CDC42BPB: variants seen among roughly 807,000 people sequenced by gnomAD.
CDC42BPB encodes CDC42 binding protein kinase beta.
Under a neutral mutation model 214.9 loss-of-function variants are expected in CDC42BPB, and 37 were observed. That is an observed-to-expected ratio of 0.17 (90% confidence interval 0.13 to 0.23). The LOEUF is 0.23. Among genes scored for constraint, CDC42BPB ranks in the 10% least tolerant of loss-of-function variants. The probability of loss-of-function intolerance (pLI) is 1.00; values close to 1 mark genes in which losing one functional copy is unlikely to be tolerated. For synonymous variants in CDC42BPB, 931 were observed against 884.0 expected (o/e 1.05, Z -0.94); for missense variants, 1,694 against 2,227.0 (o/e 0.76, Z 4.82).
chr14:103,041,702 A>G (rs1020426879), intron 1 of CDC42BPB: 18 of 554,388 alleles, frequency 3.2e-5, no homozygotes, highest in African/African-American at 3.1e-4. Context: ...AGCTTGGAGG[A>G]GCTCAGGGTG....
intron 8 of CDC42BPB, among the ~76,000 whole-genome samples, chr14:102,978,961 T>G (rs1893879741): frequency 6.6e-6 from 1 of 152,172 alleles, no homozygotes; most frequent in African/African-American, 2.4e-5. Context: ...GAGCTGAGGT[T>G]GTATCACTGT....
chr14:102,965,593 A>G (rs1173041047), intron 18 of CDC42BPB, among the ~76,000 whole-genome samples: 1 of 152,168 alleles, frequency 6.6e-6, no homozygotes, highest in East Asian at 1.9e-4. Context: ...TTTAAAACAA[A>G]CTGAAAACCT....
At chr14:102,958,266 C>G (rs1892798484) in intron 21 of CDC42BPB, among the ~76,000 whole-genome samples, 2 of 152,198 alleles carry the variant, frequency 1.3e-5, no homozygotes, top group African/African-American at 4.8e-5. Flanking sequence ...TAGGAAATAA[C>G]TGCTGAAGTA....
intron 5 of CDC42BPB, among the ~76,000 whole-genome samples, chr14:102,994,087 C>T (rs1215074852): frequency 2.0e-5 from 3 of 152,162 alleles, no homozygotes; most frequent in Admixed American, 2.0e-4. Flanking sequence ...AGTAAGGAGG[C>T]GCCGAGACAC....
chr14:103,032,473 A>T (rs1277611547), intron 1 of CDC42BPB, among the ~76,000 whole-genome samples: 1 of 151,436 alleles, frequency 6.6e-6, no homozygotes, highest in African/African-American at 2.4e-5. Flanking sequence ...GGAAAACACT[A>T]GAAACCAGTT....
intron 1 of CDC42BPB, among the ~76,000 whole-genome samples, chr14:103,031,913 T>C (rs1410780124): frequency 6.6e-6 from 1 of 152,034 alleles, no homozygotes; most frequent in African/African-American, 2.4e-5. Flanking sequence ...AAAAGTTGAG[T>C]CCTCACTAAT....
At chr14:102,939,480 G>A (rs913025840) in intron 34 of CDC42BPB, 130 bp downstream of exon 34, 9 of 683,218 alleles carry the variant, frequency 1.3e-5, no homozygotes, top group African/African-American at 1.2e-4. Context: ...TGTGTGACAG[G>A]AGCGCCAGGT....
At chr14:102,964,961 T>C (rs777153424) in intron 18 of CDC42BPB, 40 of 236,706 alleles carry the variant, frequency 1.7e-4, no homozygotes, top group Non-Finnish European at 2.6e-4. Context: ...GTTTCGCTCT[T>C]GTTGCCTAGG....
chr14:103,046,819 AG>A (rs1441669074), intron 1 of CDC42BPB, among the ~76,000 whole-genome samples: 3 of 151,794 alleles, frequency 2.0e-5, no homozygotes, highest in African/African-American at 7.3e-5. Flanking sequence ...ATGCCCGGCT[AG>A]TTTTTGTATT....
At chr14:102,966,789 T>C (rs894093892) in intron 17 of CDC42BPB, among the ~76,000 whole-genome samples, 2 of 152,208 alleles carry the variant, frequency 1.3e-5, no homozygotes, top group East Asian at 3.8e-4. Flanking sequence ...CTGCCTCCCC[T>C]GTCTCTGAGA....
intron 1 of CDC42BPB, among the ~76,000 whole-genome samples, chr14:103,048,855 C>T (rs183652248): frequency 1.1e-4 from 16 of 151,012 alleles, no homozygotes; most frequent in Admixed American, 1.1e-3. Flanking sequence ...GCCTGGGCAA[C>T]AGAATGAGCC....
At chr14:103,027,628 A>T (rs1887124632) in intron 1 of CDC42BPB, among the ~76,000 whole-genome samples, 1 of 152,246 alleles carries the variant, frequency 6.6e-6, no homozygotes, top group South Asian at 2.1e-4. Context: ...AAGACCACGT[A>T]TAGTATGATT....
intron 1 of CDC42BPB, among the ~76,000 whole-genome samples, chr14:103,035,629 A>G (rs796896449): frequency 3.3e-5 from 5 of 152,088 alleles, no homozygotes; most frequent in African/African-American, 1.2e-4. Flanking sequence ...TCACGAGGTC[A>G]GGAGATTGAG....
intron 1 of CDC42BPB, chr14:103,041,764 A>C: frequency 2.0e-6 from 1 of 502,950 alleles, no homozygotes; most frequent in South Asian, 2.1e-5. Flanking sequence ...TGTGGATCCA[A>C]GGAGGCAGTA....
chr14:103,017,662 G>A (rs1886543099), intron 1 of CDC42BPB, among the ~76,000 whole-genome samples: 1 of 151,982 alleles, frequency 6.6e-6, no homozygotes, highest in African/African-American at 2.4e-5. Flanking sequence ...CTAAACTGAA[G>A]AACAGTCTCC....
At chr14:102,934,470 C>T (rs1209890480) in intron 36 of CDC42BPB, among the ~76,000 whole-genome samples, 7 of 152,016 alleles carry the variant, frequency 4.6e-5, no homozygotes, top group Admixed American at 3.9e-4. Context: ...GGAGGCGGAG[C>T]TTGCAGTGAG....
intron 4 of CDC42BPB, 127 bp from the exon 5 acceptor site, chr14:102,999,840 C>T (rs910440989): frequency 1.3e-5 from 19 of 1,485,900 alleles, no homozygotes; most frequent in African/African-American, 5.7e-5. Flanking sequence ...CTCAGCTGCT[C>T]TTCTGTCACC....
chr14:102,945,761 A>AC, intron 28 of CDC42BPB, 37 bp from the exon 29 acceptor site: 1 of 1,594,350 alleles, frequency 6.3e-7, no homozygotes, highest in Non-Finnish European at 8.6e-7. Context: ...AAGTCAGTAC[A>AC]GCCGACCGTG....
At chr14:103,052,976 AT>A (rs980114440) in intron 1 of CDC42BPB, among the ~76,000 whole-genome samples, 3 of 152,232 alleles carry the variant, frequency 2.0e-5, no homozygotes, top group Non-Finnish European at 2.9e-5. Context: ...ATTTGTTGCT[AT>A]TTACTTTTGG....
Sources: allele counts gnomAD v4.1 joint callset (sites outside exome capture counted in the v4.1 genomes callset), GRCh38; gene constraint gnomAD v4.1.1; transcripts MANE v1.5; gene names NCBI Gene and HGNC (gene_info 2026-07-23, HGNC 2026-07-21).